NOTCH1: variants seen among roughly 807,000 people sequenced by gnomAD.
NOTCH1 encodes the protein notch receptor 1, also known as neurogenic locus notch homolog protein 1.
Under a neutral mutation model 254.8 loss-of-function variants are expected in NOTCH1, and 37 were observed. The ratio of observed to expected loss-of-function variants is 0.15; its 90% confidence interval spans 0.11 to 0.19. The LOEUF is 0.19. Ranked by LOEUF, NOTCH1 falls within the 10% of genes least tolerant of loss-of-function variation. NOTCH1 has a pLI of 1.00. For missense variants in NOTCH1, 2,972 were observed against 3,708.6 expected (o/e 0.80, Z 5.16); for synonymous variants, 1,731 against 1,618.1 (o/e 1.07, Z -1.68).
chr9:136,533,811 C>T (rs1019245554), intron 2 of NOTCH1, among the ~76,000 whole-genome samples: 9 of 152,282 alleles, frequency 5.9e-5, no homozygotes, highest in African/African-American at 2.2e-4. Flanking sequence ...TCTGCAAATG[C>T]ACCTTAACCT....
At chr9:136,515,743 G>T (rs770391817) in intron 10 of NOTCH1, 27 bp from the exon 11 acceptor site, 13 of 1,526,112 alleles carry the variant, frequency 8.5e-6, no homozygotes, top group Non-Finnish European at 1.1e-5. Flanking sequence ...GCGGGCACAG[G>T]AAGACTTAGG....
Position 136,501,910 on chromosome 9 carries a change from C to G in NOTCH1, c.5476G>C (p.Glu1826Gln), listed in dbSNP as rs374103443. The G allele has an allele frequency of 1.2e-6, 2 of 1,611,648 alleles. No homozygotes were observed. Among genetic ancestry groups the G allele is most frequent in the Non-Finnish European group, 1.7e-6 (2 of 1,179,962 alleles). Residue 1826 changes from glutamate to glutamine, a missense_variant, in exon 30 of 34, where the codon GAG becomes CAG. Coordinates refer to ENST00000651671, the MANE Select transcript of NOTCH1 (RefSeq NM_017617.5). The stretch of plus-strand genomic sequence containing the variant: ...AGGTCAGGCAGAACCACGGGCTCCT[C>G]GAACTACATAGAGGGAGTGAGCAGA... ...EDLETKKFRF[E>Q]EPVVLPDLDD...
At chr9:136,533,000 CCAGAGAGCTG>C in intron 2 of NOTCH1, among the ~76,000 whole-genome samples, 1 of 152,378 alleles carries the variant, frequency 6.6e-6, no homozygotes, top group Non-Finnish European at 1.5e-5. Flanking sequence ...GGCCCGTCCA[CCAGAGAGCTG>C]CAGAGCTCTG....
chr9:136,500,041 G>A (rs1842972255), intron 31 of NOTCH1, among the ~76,000 whole-genome samples: 1 of 152,180 alleles, frequency 6.6e-6, no homozygotes, highest in Admixed American at 6.5e-5. Flanking sequence ...GGCAGCCCCT[G>A]CCAGGGACAC....
intron 2 of NOTCH1, among the ~76,000 whole-genome samples, chr9:136,526,101 G>A (rs914268204): frequency 3.3e-5 from 5 of 152,248 alleles, no homozygotes; most frequent in East Asian, 1.9e-4. Context: ...CGGTCACTCC[G>A]GGGCTGCAGC....
chr9:136,518,113 C>T (rs370943888), intron 7 of NOTCH1, 24 bp downstream of exon 7: 168 of 1,571,634 alleles, frequency 1.1e-4, no homozygotes, highest in Non-Finnish European at 1.3e-4. Flanking sequence ...CCCACCTGGC[C>T]GCACCCCCTG....
At chr9:136,520,348 C>T (rs564078772) in intron 4 of NOTCH1, among the ~76,000 whole-genome samples, 41 of 152,256 alleles carry the variant, frequency 2.7e-4, no homozygotes, top group African/African-American at 9.1e-4. Context: ...GCCACCACCC[C>T]GTCCGTTCTG....
rs576434469 is a variant in NOTCH1, at chr9:136,506,907, T to C, written c.3710A>G (p.Lys1237Arg). 1.9e-6 allele frequency: 3 copies of C among 1,611,722 alleles called. No individual in the cohort carries two copies. Among genetic ancestry groups the C allele is most frequent in the African/African-American group, 2.7e-5 (2 of 75,010 alleles). The change falls in exon 23 of 34, where the codon AAG becomes AGG. Residue 1237 changes from lysine to arginine, a missense_variant. Transcript: ENST00000651671. The surrounding 1 kb of genome is among the most constrained non-coding windows in gnomAD (Gnocchi z 4.5). ...PPVDPVSRSP[K>R]CFNNGTCVDQ... is the part of the protein sequence containing the mutation. ...CACGCAGGTGCCGTTGTTAAAGCAC[T>C]TGGGGCTCCGGGACACGGGGTCAAC...
chr9:136,523,163 C>G lies in NOTCH1; in HGVS notation c.429G>C (p.Pro143=). ...CGTTGGCGCAGGGGTTGGAGGCGCA[C>G]GGGTCAGCCTGCTGGCACGATTTCC... is the stretch of plus-strand genomic sequence containing the variant. ...WSGKSCQQAD[P]CASNPCANGG... The change falls in exon 4 of 34, where the codon CCG becomes CCC. Residue 143 remains proline (P), a synonymous_variant. Transcript: ENST00000651671. 1 of 1,604,404 alleles carries G rather than the reference C, an allele frequency of 6.2e-7. No individual in the cohort carries two copies. Among genetic ancestry groups the G allele is most frequent in the South Asian group, 1.1e-5 (1 of 89,372 alleles).
Position 136,495,853 on chromosome 9 carries a change from G to A in NOTCH1, c.*218C>T, listed in dbSNP as rs1788871447. 3.8e-6 allele frequency: 2 copies of A among 519,802 alleles called. No homozygotes were observed. Among genetic ancestry groups the A allele is most frequent in the South Asian group, 3.9e-5 (1 of 25,656 alleles). 32.2% of individuals were successfully genotyped at this position (519,802 alleles called of 1,614,324 possible). On this transcript the variant is annotated 3_prime_UTR_variant, in exon 34 of 34. Transcript: ENST00000651671. ...CAGAATAGATAAAAGTTTCTACCTG[G>A]GGCCAGATAAAACAGTACATATAAA...
chr9:136,506,403 C>A lies in NOTCH1; in HGVS notation c.4014+124G>T. 6 of 693,514 alleles carry A rather than the reference C, an allele frequency of 8.7e-6. No individual in the cohort carries two copies. The highest frequency in any genetic ancestry group is 1.4e-5 in the Non-Finnish European group (6 of 416,682). The allele number at this position is 693,514 out of a possible 1,614,324, so 43.0% of individuals were successfully genotyped here. On this transcript the variant is annotated intron_variant, in intron 24 of 33. Coordinates refer to ENST00000651671, the MANE Select transcript of NOTCH1 (RefSeq NM_017617.5). The surrounding 1 kb of genome is among the most constrained non-coding windows in gnomAD (Gnocchi z 4.5). Reference sequence around the variant, plus strand: ...GAAACTAAAAAAAAAAAAAAGACATCAGGGTGAGGAGGAGGATGAAGGCCG... The same window carrying A: ...GAAACTAAAAAAAAAAAAAAGACATAAGGGTGAGGAGGAGGATGAAGGCCG...
rs557094972 is a variant in NOTCH1, at chr9:136,522,726, C to T, written c.742+124G>A. The T allele has an allele frequency of 1.0e-4, 99 of 962,948 alleles. 3 individuals carry two copies. In the South Asian group the frequency reaches 1.3e-3, roughly 13 times the overall value. 59.7% of individuals were successfully genotyped at this position (962,948 alleles called of 1,614,324 possible). A position where few individuals can be genotyped will look rare whatever the true frequency, so the allele number is the denominator to read the frequency against. On this transcript the variant is annotated intron_variant, in intron 4 of 33. Transcript: ENST00000651671. The stretch of plus-strand genomic sequence containing the variant: ...ACGCAGTCTGGGGAACTCGCCATCC[C>T]GCCTTCCCAACTCCCCGCCATGGGC...
chr9:136,503,758 T>G (rs933183908), intron 26 of NOTCH1, among the ~76,000 whole-genome samples: 16 of 152,022 alleles, frequency 1.1e-4, no homozygotes, highest in Non-Finnish European at 1.9e-4. Flanking sequence ...TGGCTGGGGG[T>G]GAGCTCTGCT....
rs754834125 is a variant in NOTCH1 at position 136,496,851 on chromosome 9, G to T, written c.6888C>A (p.Phe2296Leu). ...LGSSSGGALN[F>L]TVGGSTSLNG... ...TCAAACTGGTGGACCCGCCCACAGT[G>T]AAATTCAGGGCCCCTCCGCTGCTGG... The change falls in exon 34 of 34, where the codon TTC becomes TTA. Residue 2296 changes from phenylalanine to leucine, a missense_variant. This residue lies in a region of NOTCH1 where 529 missense variants were observed against 529.2 expected (regional missense o/e 1.00). Coordinates refer to ENST00000651671, the MANE Select transcript of NOTCH1 (RefSeq NM_017617.5). The T allele has an allele frequency of 6.2e-7, 1 of 1,612,958 alleles. No homozygotes were observed. The highest frequency in any genetic ancestry group is 8.5e-7 in the Non-Finnish European group (1 of 1,180,004).
intron 33 of NOTCH1, among the ~76,000 whole-genome samples, chr9:136,498,468 C>A (rs918078052): frequency 2.0e-5 from 3 of 152,210 alleles, no homozygotes; most frequent in African/African-American, 7.2e-5. Context: ...TGCCGCCACG[C>A]GTGTTCTGGC....
chr9:136,519,587 C>T (rs1235043026), intron 4 of NOTCH1, 22 bp from the exon 5 acceptor site: 1 of 1,612,406 alleles, frequency 6.2e-7, no homozygotes, highest in African/African-American at 1.3e-5. Flanking sequence ...GGGGCCGGGT[C>T]AGCCTCTTCC....
chr9:136,543,896 C>T (rs1843770337), intron 2 of NOTCH1, 128 bp downstream of exon 2: 7 of 881,998 alleles, frequency 7.9e-6, no homozygotes, highest in Admixed American at 4.0e-5. Context: ...AAAGTCAGCA[C>T]GTGACCGTGC....
At position 136,495,119 on chromosome 9, in the gene NOTCH1, A is replaced by G; in HGVS notation, c.*952T>C. The G allele has an allele frequency of 2.5e-6, 1 of 399,118 alleles. No individual in the cohort carries two copies. The allele number at this position is 399,118 out of a possible 1,614,324, so 24.7% of individuals were successfully genotyped here. A position where few individuals can be genotyped will look rare whatever the true frequency, so the allele number is the denominator to read the frequency against. On this transcript the variant is annotated 3_prime_UTR_variant, in exon 34 of 34. Transcript: ENST00000651671. ...CTTCGGAACCTGGGGGACACTGTGC[A>G]GGCTGAGGTGCTGGGGCCGCCACCG...
rs757953736 is a variant in NOTCH1 at position 136,497,395 on chromosome 9, T to A, written c.6344A>T (p.Glu2115Val). Reference sequence around the variant, plus strand: ...CTGCGGGCTGCGCACCAGGTTGTACTCGTCCAGCAGCCTCACGATGTCGTG... The same window carrying A: ...CTGCGGGCTGCGCACCAGGTTGTACACGTCCAGCAGCCTCACGATGTCGTG... ...MHHDIVRLLD[E>V]YNLVRSPQLH... is the part of the protein sequence containing the mutation. The change falls in exon 34 of 34, where the codon GAG (glutamate) becomes GTG (valine). Residue 2115 changes from glutamate to valine, a missense_variant. Physicochemically the swap from Glu to Val is moderately radical, Grantham distance 121 (BLOSUM62 -2). This residue lies in a region of NOTCH1 where 529 missense variants were observed against 529.2 expected (regional missense o/e 1.00). Coordinates refer to ENST00000651671, the MANE Select transcript of NOTCH1 (RefSeq NM_017617.5). The A allele has an allele frequency of 6.2e-7, 1 of 1,610,464 alleles. No homozygotes were observed. Among genetic ancestry groups the A allele is most frequent in the South Asian group, 1.1e-5 (1 of 91,080 alleles).
Sources: allele counts gnomAD v4.1 joint callset (sites outside exome capture counted in the v4.1 genomes callset), GRCh38; gene constraint gnomAD v4.1.1; regional missense constraint gnomAD v4.1.1; non-coding constraint Gnocchi (gnomAD v3.1); transcripts MANE v1.5; gene names NCBI Gene and HGNC (gene_info 2026-07-23, HGNC 2026-07-21).